SIRPA: variants seen among roughly 807,000 people sequenced by gnomAD.
SIRPA encodes signal regulatory protein alpha.
In SIRPA, 9 loss-of-function variants were observed where a neutral mutation model predicts 50.3. That is an observed-to-expected ratio of 0.18 (90% CI 0.11 to 0.31). The LOEUF (loss-of-function observed/expected upper bound fraction) is 0.31, where lower values mean the gene tolerates loss of function less well. Ranked by LOEUF, SIRPA falls within the 10% of genes least tolerant of loss-of-function variation. The pLI is 1.00. For missense variants in SIRPA, 474 were observed against 661.6 expected, an observed-to-expected ratio of 0.72 and a Z score of 3.11; for synonymous variants, 265 against 284.1, an observed-to-expected ratio of 0.93 and a Z score of 0.68.
In SIRPA at chr20:1,927,945, T is replaced by G. The variant is rs769348965; in HGVS notation, c.1226+46T>G. The G allele has an allele frequency of 6.5e-7, 1 of 1,535,088 alleles. No individual in the cohort carries two copies. The highest frequency in any genetic ancestry group is 1.1e-5 in the South Asian group (1 of 89,454). On this transcript the variant is annotated intron_variant, in intron 6 of 7. Transcript: ENST00000358771. This position sits in a 1 kb window ranked among gnomAD's most constrained non-coding sequence, Gnocchi z 6.5. The stretch of plus-strand genomic sequence containing the variant: ...GACCCTCTTGCAGTTATTATTTGGT[T>G]ATTTGACAGCCCCCCAGACTACAAA...
intron 1 of SIRPA, among the ~76,000 whole-genome samples, chr20:1,914,715 C>G (rs1392897658): frequency 1.0e-5 from 1 of 97,940 alleles, no homozygotes; most frequent in Non-Finnish European, 2.2e-5. Context: ...ATCTTAACAC[C>G]TTGTACAGCC....
chr20:1,895,111 C>G (rs1041053302), upstream of SIRPA, among the ~76,000 whole-genome samples: 1 of 151,638 alleles, frequency 6.6e-6, no homozygotes, highest in East Asian at 2.0e-4. Flanking sequence ...TCTTTCTCCC[C>G]CTCTCGCCTC....
intron 1 of SIRPA, among the ~76,000 whole-genome samples, chr20:1,911,337 G>C (rs1984876045): frequency 6.6e-6 from 1 of 152,166 alleles, no homozygotes; most frequent in African/African-American, 2.4e-5. Flanking sequence ...TCAGAATGTT[G>C]ATTACAGTTA....
chr20:1,929,628 A>G (rs1420215273), intron 6 of SIRPA, among the ~76,000 whole-genome samples: 3 of 151,838 alleles, frequency 2.0e-5, no homozygotes, highest in Non-Finnish European at 4.4e-5. Flanking sequence ...TCTTGCTCTG[A>G]TCTCCACAGG....
intron 3 of SIRPA, 77 bp downstream of exon 3, chr20:1,921,789 C>G (rs1985678648): frequency 6.4e-6 from 10 of 1,565,904 alleles, no homozygotes; most frequent in South Asian, 1.1e-5. Flanking sequence ...TCATCCAGCT[C>G]TACTCTTGCT....
chr20:1,907,492 C>T (rs1042460277), intron 1 of SIRPA, among the ~76,000 whole-genome samples: 3 of 152,246 alleles, frequency 2.0e-5, no homozygotes, highest in African/African-American at 7.2e-5. Context: ...CCTGTCACCT[C>T]TGCGTCTTTG....
chr20:1,903,002 ACT>A (rs1204218697), intron 1 of SIRPA, among the ~76,000 whole-genome samples: 1 of 124,742 alleles, frequency 8.0e-6, no homozygotes, highest in Non-Finnish European at 1.6e-5. Context: ...ACAGAGCAAG[ACT>A]CTGTCTCAAA....
chr20:1,894,184 C>G (rs1983612661), upstream of SIRPA: 1 of 152,368 alleles, frequency 6.6e-6, no homozygotes, highest in African/African-American at 2.4e-5. This position sits in a 1 kb window ranked among gnomAD's most constrained non-coding sequence, Gnocchi z 4.0. Flanking sequence ...CGCACCCACC[C>G]CCAAGAGGGG....
Position 1,937,550 on chromosome 20 carries a change from C to A in SIRPA, c.1497C>A (p.Val499=). The A allele has an allele frequency of 7.4e-6, 12 of 1,614,142 alleles. No individual in the cohort carries two copies. Among genetic ancestry groups the A allele is most frequent in the Non-Finnish European group, 1.0e-5 (12 of 1,180,016 alleles). Residue 499 remains valine (V), a synonymous_variant, in exon 8 of 8, where the codon GTC becomes GTA. Transcript: ENST00000358771. The surrounding 1 kb of genome is among the most constrained non-coding windows in gnomAD (Gnocchi z 8.3). ...PEPSFSEYAS[V]QVPRK ...CGTCCTTCTCAGAGTACGCCAGCGT[C>A]CAGGTCCCGAGGAAGTGAATGGGAC...
chr20:1,937,716 C>T lies in SIRPA; in HGVS notation c.*148C>T, dbSNP rs1215628236. The T allele has an allele frequency of 2.5e-5, 25 of 995,610 alleles. No individual in the cohort carries two copies. The highest frequency in any genetic ancestry group is 3.6e-5 in the Non-Finnish European group (25 of 691,510). 61.7% of individuals were successfully genotyped at this position (995,610 alleles called of 1,614,324 possible). A position where few individuals can be genotyped will look rare whatever the true frequency, so the allele number is the denominator to read the frequency against. ...AGGGGCCAGGGTGGCTCTTCTCTCC[C>T]CACCCCTCCTTGGCTCTCCAGCACT... On this transcript the variant is annotated 3_prime_UTR_variant, in exon 8 of 8. Coordinates refer to ENST00000358771, the MANE Select transcript of SIRPA (RefSeq NM_001040023.2). The surrounding 1 kb of genome is among the most constrained non-coding windows in gnomAD (Gnocchi z 8.3).
At chr20:1,909,845 A>G (rs539109470) in intron 1 of SIRPA, among the ~76,000 whole-genome samples, 1 of 152,350 alleles carries the variant, frequency 6.6e-6, no homozygotes, top group South Asian at 2.1e-4. Context: ...TTCATCTTTT[A>G]ATCTCAAAAG....
rs187220022 is a variant in SIRPA at position 1,928,315 on chromosome 20, C to T, written c.1226+416C>T. Among the ~76,000 whole-genome samples the T allele has an allele frequency of 1.3e-3, 193 of 152,200 alleles. 1 individual carries two copies. The highest frequency in any genetic ancestry group is 4.2e-3 in the African/African-American group (176 of 41,512). ...TTGGCGTGCTGTGACCCTGGAATGC[C>T]GGGATGAGTAGGATAGAATCTGTGC... On this transcript the variant is annotated intron_variant, in intron 6 of 7. Coordinates refer to ENST00000358771, the MANE Select transcript of SIRPA (RefSeq NM_001040023.2). The surrounding 1 kb of genome is among the most constrained non-coding windows in gnomAD (Gnocchi z 4.9).
chr20:1,924,667 A>T lies in SIRPA; in HGVS notation c.1088-97A>T, dbSNP rs892708816. ...TAAGAAGGTCCAGCCAGATGTTCTCAGTTAATGATGCCTGCTTAGTGGTGA... is the reference window on the plus strand; with the variant it reads ...TAAGAAGGTCCAGCCAGATGTTCTCTGTTAATGATGCCTGCTTAGTGGTGA... On this transcript the variant is annotated intron_variant, in intron 4 of 7. Coordinates refer to ENST00000358771, the MANE Select transcript of SIRPA (RefSeq NM_001040023.2). The surrounding 1 kb of genome is among the most constrained non-coding windows in gnomAD (Gnocchi z 4.5). 256 of 959,242 alleles carry T rather than the reference A, an allele frequency of 2.7e-4. 1 individual carries two copies. The highest frequency in any genetic ancestry group is 9.6e-5 in the Admixed American group (5 of 52,102). 59.4% of individuals were successfully genotyped at this position (959,242 alleles called of 1,614,324 possible).
chr20:1,932,879 A>G lies in SIRPA; in HGVS notation c.1227-1836A>G, dbSNP rs1413583625. On this transcript the variant is annotated intron_variant, in intron 6 of 7. Coordinates refer to ENST00000358771, the MANE Select transcript of SIRPA (RefSeq NM_001040023.2). The surrounding 1 kb of genome is among the most constrained non-coding windows in gnomAD (Gnocchi z 6.0). ...GCCTGAGCACAGGATGACCGATGGT[A>G]GAGCTATTCACTGAAATAGGAAAAT... is the stretch of plus-strand genomic sequence containing the variant. Among the ~76,000 whole-genome samples the G allele has an allele frequency of 6.6e-6, 1 of 152,240 alleles. No homozygotes were observed. Among genetic ancestry groups the G allele is most frequent in the Non-Finnish European group, 1.5e-5 (1 of 68,040 alleles).
rs765996136 is a variant in SIRPA, at chr20:1,937,225, A to C, written c.1267-95A>C. Reference sequence around the variant, plus strand: ...GAGCCAGTGTGGGCCGAGAGGACACAGAAGCATCCAGACTTGGTATTCAGT... The same window carrying C: ...GAGCCAGTGTGGGCCGAGAGGACACCGAAGCATCCAGACTTGGTATTCAGT... On this transcript the variant is annotated intron_variant, in intron 7 of 7. Transcript: ENST00000358771. The surrounding 1 kb of genome is among the most constrained non-coding windows in gnomAD (Gnocchi z 8.3). The C allele has an allele frequency of 8.3e-6, 12 of 1,445,232 alleles. No individual in the cohort carries two copies. The highest frequency in any genetic ancestry group is 1.1e-5 in the Non-Finnish European group (12 of 1,057,652). 89.5% of individuals were successfully genotyped at this position (1,445,232 alleles called of 1,614,324 possible). A position where few individuals can be genotyped will look rare whatever the true frequency, so the allele number is the denominator to read the frequency against.
At chr20:1,896,885 T>C (rs1156589393) in intron 1 of SIRPA, among the ~76,000 whole-genome samples, 2 of 151,578 alleles carry the variant, frequency 1.3e-5, no homozygotes, top group East Asian at 3.9e-4. Flanking sequence ...ATCTCCTATC[T>C]GCTCCTTCCT....
rs1271434154 is a variant in SIRPA at position 1,928,440 on chromosome 20, G to T, written c.1226+541G>T. ...TTTAGTTTGTTGATTCACATTTTTA[G>T]TGACTTGAGTCCCTACTATGTGCCA... On this transcript the variant is annotated intron_variant, in intron 6 of 7. Transcript: ENST00000358771. The surrounding 1 kb of genome is among the most constrained non-coding windows in gnomAD (Gnocchi z 4.9). Among the ~76,000 whole-genome samples, 1 of 152,166 alleles carries T rather than the reference G, an allele frequency of 6.6e-6. No individual in the cohort carries two copies. Among genetic ancestry groups the T allele is most frequent in the Non-Finnish European group, 1.5e-5 (1 of 68,034 alleles).
At chr20:1,910,852 AGTT>A (rs961030084) in intron 1 of SIRPA, among the ~76,000 whole-genome samples, 8 of 152,344 alleles carry the variant, frequency 5.3e-5, no homozygotes, top group African/African-American at 1.9e-4. Context: ...AATACCCTCC[AGTT>A]GTTTATATAT....
chr20:1,937,190 A>G lies in SIRPA; in HGVS notation c.1267-130A>G. 1 of 1,119,462 alleles carries G rather than the reference A, an allele frequency of 8.9e-7. No homozygotes were observed. The highest frequency in any genetic ancestry group is 1.3e-6 in the Non-Finnish European group (1 of 782,198). 69.3% of individuals were successfully genotyped at this position (1,119,462 alleles called of 1,614,324 possible). ...GTTGGCAAGAGATGAGGGGAACATG[A>G]CTTATGGCTGAGCCAGTGTGGGCCG... On this transcript the variant is annotated intron_variant, in intron 7 of 7. Coordinates refer to ENST00000358771, the MANE Select transcript of SIRPA (RefSeq NM_001040023.2). This position sits in a 1 kb window ranked among gnomAD's most constrained non-coding sequence, Gnocchi z 8.3.
Sources: gnomAD v4.1 joint callset for allele counts (sites outside exome capture counted in the v4.1 genomes callset) on GRCh38, gnomAD v4.1.1 for gene constraint, Gnocchi (gnomAD v3.1) non-coding constraint, MANE v1.5 for transcripts, NCBI Gene and HGNC (gene_info 2026-07-23, HGNC 2026-07-21) for gene names.